Variants in PWWP2A observed in about 807,000 individuals in gnomAD.
The protein encoded by PWWP2A is PWWP domain-containing protein 2A.
Under a neutral mutation model 48.5 loss-of-function variants are expected in PWWP2A, and 18 were observed. That is an observed-to-expected ratio of 0.37 (90% CI 0.26 to 0.55). The LOEUF (loss-of-function observed/expected upper bound fraction) is 0.55. Among genes scored for constraint, PWWP2A ranks in the 20% least tolerant of loss-of-function variants. The pLI is 0.81. For missense variants in PWWP2A, 867 were observed against 976.4 expected, an observed-to-expected ratio of 0.89 and a Z score of 1.49; for synonymous variants, 396 against 387.7, an observed-to-expected ratio of 1.02 and a Z score of -0.25.
At chr5:160,095,844 G>A (rs550300578) in intron 1 of PWWP2A, among the ~76,000 whole-genome samples, 2 of 151,800 alleles carry the variant, frequency 1.3e-5, no homozygotes, top group Non-Finnish European at 2.9e-5. Context: ...ACAGACACAC[G>A]TCACCATGCC....
chr5:160,108,408 C>A lies in PWWP2A; in HGVS notation c.584+10397G>T, dbSNP rs1295314534. 5.2e-5 allele frequency: 21 copies of A among 406,784 alleles called. No individual in the cohort carries two copies. The Admixed American group carries it at 5.7e-4, about 11-fold the overall frequency. 25.2% of individuals were successfully genotyped at this position (406,784 alleles called of 1,614,324 possible). Reference sequence around the variant, plus strand: ...CACTGTGTAAAGCCTTTATTGACATCTTGGCATATAAGCAGAATAATCACC... The same window carrying A: ...CACTGTGTAAAGCCTTTATTGACATATTGGCATATAAGCAGAATAATCACC... On this transcript the variant is annotated intron_variant, in intron 1 of 1. Transcript: ENST00000307063.
chr5:160,092,366 ACCTTACTG>A lies in PWWP2A; in HGVS notation c.*8_*15del. ...GTGGTGACTTCCAATGGTCTTGCCT[ACCTTACTG>A]CCCATGTTCACGTTTCAAACTGTGT... is the stretch of plus-strand genomic sequence containing the variant. On this transcript the variant is annotated 3_prime_UTR_variant, in exon 2 of 2. Coordinates refer to ENST00000307063, the MANE Select transcript of PWWP2A (RefSeq NM_001130864.2). The A allele has an allele frequency of 6.6e-7, 1 of 1,519,508 alleles. No individual in the cohort carries two copies. The highest frequency in any genetic ancestry group is 8.8e-7 in the Non-Finnish European group (1 of 1,133,342). The allele number at this position is 1,519,508 out of a possible 1,614,324, so 94.1% of individuals were successfully genotyped here.
chr5:160,090,226 G>A (rs1459264601), downstream of PWWP2A: 4 of 984,218 alleles, frequency 4.1e-6, no homozygotes, highest in Non-Finnish European at 4.8e-6. Context: ...TTTGGTTTAT[G>A]CCACAACAGC....
intron 1 of PWWP2A, among the ~76,000 whole-genome samples, chr5:160,118,548 A>G (rs1335525451): frequency 2.6e-5 from 4 of 152,032 alleles, no homozygotes; most frequent in African/African-American, 9.7e-5. Flanking sequence ...GAGGGGTGAG[A>G]CCTGTGAGCC....
intron 1 of PWWP2A, among the ~76,000 whole-genome samples, chr5:160,111,324 C>T (rs749116244): frequency 6.6e-5 from 10 of 152,098 alleles, no homozygotes; most frequent in Non-Finnish European, 1.2e-4. Context: ...CATGCCACTA[C>T]GCCCGGCTAA....
exon 4 of PWWP2A, chr5:160,076,555 CCAAA>C (rs1450199610): frequency 1.3e-5 from 2 of 152,116 alleles, no homozygotes; most frequent in Non-Finnish European, 2.9e-5. Flanking sequence ...ATGTAATTTT[CCAAA>C]CAGACAATTG....
At chr5:160,089,464 G>T, downstream of PWWP2A, 1 of 1,075,460 alleles carries the variant, frequency 9.3e-7, no homozygotes, top group Non-Finnish European at 1.2e-6. Flanking sequence ...ATCCCACCTT[G>T]GCCTTCCAAA....
downstream of PWWP2A, among the ~76,000 whole-genome samples, chr5:160,060,618 T>A (rs9313833): frequency 0.6 from 91,638 of 152,054 alleles, 27,603 homozygotes; most frequent in East Asian, 0.62. Context: ...GCAGATAGGC[T>A]AGTTTGGCAC....
chr5:160,099,982 G>A (rs1462823653), intron 1 of PWWP2A, among the ~76,000 whole-genome samples: 1 of 151,966 alleles, frequency 6.6e-6, no homozygotes, highest in Non-Finnish European at 1.5e-5. Context: ...AAAATTTTAA[G>A]GGGGAAGAAC....
intron 1 of PWWP2A, among the ~76,000 whole-genome samples, chr5:160,098,175 T>C (rs1391466747): frequency 6.6e-6 from 1 of 152,246 alleles, no homozygotes; most frequent in African/African-American, 2.4e-5. Flanking sequence ...GCAACTGGAT[T>C]GTTTTTATTC....
intron 1 of PWWP2A, among the ~76,000 whole-genome samples, chr5:160,098,278 A>G (rs1352679787): frequency 2.0e-5 from 3 of 152,252 alleles, no homozygotes; most frequent in African/African-American, 7.2e-5. Context: ...ATGATGAGTG[A>G]AAACTACAAT....
intron 1 of PWWP2A, among the ~76,000 whole-genome samples, chr5:160,106,770 GAT>G (rs1561693147): frequency 4.7e-5 from 7 of 149,174 alleles, no homozygotes; most frequent in African/African-American, 1.7e-4. Flanking sequence ...ATCCCCACAT[GAT>G]ACATTGCTTA....
downstream of PWWP2A, chr5:160,090,810 T>G (rs1485716647): frequency 1.0e-6 from 1 of 981,508 alleles, no homozygotes; most frequent in Non-Finnish European, 1.2e-6. Flanking sequence ...ACACAAAGTA[T>G]GAAAGCAACT....
downstream of PWWP2A, among the ~76,000 whole-genome samples, chr5:160,059,768 C>T (rs1330657488): frequency 2.0e-5 from 3 of 152,102 alleles, no homozygotes; most frequent in Non-Finnish European, 1.5e-5. Context: ...TAAATAGTAA[C>T]CTCACAGATC....
chr5:160,080,539 A>T, intron 3 of PWWP2A: 1 of 1,069,810 alleles, frequency 9.3e-7, no homozygotes, highest in Non-Finnish European at 1.2e-6. Context: ...AATGAAAACT[A>T]AAGAAAAAGA....
chr5:160,050,468 G>C, the PWWP2A span, among the ~76,000 whole-genome samples: 2 of 151,686 alleles, frequency 1.3e-5, no homozygotes, highest in African/African-American at 2.4e-5. Context: ...AAATACAAAT[G>C]AATTTAAAAA....
At chr5:160,045,552 TCCCCCTCCC>T in the PWWP2A span, among the ~76,000 whole-genome samples, 1 of 87,514 alleles carries the variant, frequency 1.1e-5, no homozygotes, top group African/African-American at 4.6e-5. Flanking sequence ...TCTCTCTCTC[TCCCCCTCCC>T]CTCTCTCAAT....
At chr5:160,052,848 A>G in the PWWP2A span, among the ~76,000 whole-genome samples, 3 of 152,230 alleles carry the variant, frequency 2.0e-5, no homozygotes, top group African/African-American at 7.2e-5. Flanking sequence ...AAAAAATTCA[A>G]ATTGAATTCA....
At chr5:160,052,236 G>A in the PWWP2A span, among the ~76,000 whole-genome samples, 11 of 151,800 alleles carry the variant, frequency 7.2e-5, no homozygotes, top group South Asian at 2.0e-3. Flanking sequence ...GGCCAGGCAC[G>A]GTGGCTCCTG....
Sources: gnomAD v4.1 joint callset for allele counts (sites outside exome capture counted in the v4.1 genomes callset) on GRCh38, gnomAD v4.1.1 for gene constraint, MANE v1.5 for transcripts, NCBI Gene and HGNC (gene_info 2026-07-23, HGNC 2026-07-21) for gene names.